The following INVS variants were observed in gnomAD, a reference collection of about 807,000 sequenced individuals.
The protein encoded by INVS is inversion of embryo turning homolog.
A neutral mutation model predicts 108.8 loss-of-function variants in INVS; 86 were observed. The observed-to-expected ratio is 0.79, with a 90% CI of 0.66 to 0.95. The LOEUF (loss-of-function observed/expected upper bound fraction) is 0.95. Among genes scored for constraint, INVS ranks in the 40% least tolerant of loss-of-function variants. INVS has a pLI of 0.00. For synonymous variants in INVS, 455 were observed against 473.5 expected (o/e 0.96, Z 0.51); for missense variants, 1,169 against 1,297.4 (o/e 0.90, Z 1.52).
chr9:100,198,187 GTCCTTCAA>G lies in INVS; in HGVS notation c.274-27872_274-27865del, dbSNP rs1169890109. On this transcript the variant is annotated intron_variant, in intron 3 of 16. Transcript: ENST00000262457. ...ATTGCCTTTGTCAAACCTATTTAGT[GTCCTTCAA>G]TCTAGAAAAGTTTCTTAATCTTTCC... is the stretch of plus-strand genomic sequence containing the variant. Among the ~76,000 whole-genome samples, 9 of 141,370 alleles carry G rather than the reference GTCCTTCAA, an allele frequency of 6.4e-5. No individual in the cohort carries two copies. The South Asian group carries it at 1.2e-3, about 19-fold the overall frequency. 92.7% of individuals were successfully genotyped at this position (141,370 alleles called of 152,430 possible).
intron 3 of INVS, among the ~76,000 whole-genome samples, chr9:100,223,185 TC>T (rs1831204275): frequency 1.3e-5 from 2 of 151,964 alleles, no homozygotes; most frequent in Non-Finnish European, 2.9e-5. Context: ...AGCCTCCGCT[TC>T]CTGGGTTCAA....
chr9:100,133,409 C>G (rs1828114159), intron 3 of INVS, among the ~76,000 whole-genome samples: 2 of 151,646 alleles, frequency 1.3e-5, no homozygotes, highest in African/African-American at 4.9e-5. Context: ...TATTTTGCAT[C>G]TTTAAATTAA....
At chr9:100,255,648 CT>C (rs1377395096) in intron 10 of INVS, among the ~76,000 whole-genome samples, 1 of 152,118 alleles carries the variant, frequency 6.6e-6, no homozygotes. Context: ...TGTCAAAGGC[CT>C]TTTCTGCATC....
Position 100,100,701 on chromosome 9 carries a change from C to T in INVS, c.-25+1285C>T, listed in dbSNP as rs192631423. ...ATATAATATATATATTATATATGTA[C>T]ATATAATATATATATTATATGTACA... On this transcript the variant is annotated intron_variant, in intron 1 of 16. Coordinates refer to ENST00000262457, the MANE Select transcript of INVS (RefSeq NM_014425.5). Among the ~76,000 whole-genome samples, 64 of 9,870 alleles carry T rather than the reference C, an allele frequency of 6.5e-3. 3 individuals carry two copies. Among genetic ancestry groups the T allele is most frequent in the African/African-American group, 0.025 (25 of 988 alleles). 6.5% of individuals were successfully genotyped at this position (9,870 alleles called of 152,430 possible).
intron 13 of INVS, among the ~76,000 whole-genome samples, chr9:100,291,760 C>T (rs1285691027): frequency 6.6e-6 from 1 of 152,216 alleles, no homozygotes. Flanking sequence ...TTACCCCATC[C>T]AGAACCTGGG....
intron 2 of INVS, among the ~76,000 whole-genome samples, chr9:100,125,723 T>C (rs989365160): frequency 6.6e-6 from 1 of 151,094 alleles, no homozygotes; most frequent in Non-Finnish European, 1.5e-5. Flanking sequence ...TTTACTCTCG[T>C]TGTCCAGGCT....
Position 100,126,312 on chromosome 9 carries a change from G to A in INVS, c.107-71G>A, listed in dbSNP as rs1222424595. On this transcript the variant is annotated intron_variant, in intron 2 of 16. Transcript: ENST00000262457. ...TTAGCACAATGTTTGATAATAAACAGCGAATATAGTTCCTACTTATATTAG... is the reference window on the plus strand; with the variant it reads ...TTAGCACAATGTTTGATAATAAACAACGAATATAGTTCCTACTTATATTAG... 4 of 1,210,440 alleles carry A rather than the reference G, an allele frequency of 3.3e-6. No homozygotes were observed. The African/African-American group carries it at 6.0e-5, about 18-fold the overall frequency. 75.0% of individuals were successfully genotyped at this position (1,210,440 alleles called of 1,614,324 possible). A position where few individuals can be genotyped will look rare whatever the true frequency, so the allele number is the denominator to read the frequency against.
intron 3 of INVS, among the ~76,000 whole-genome samples, chr9:100,211,874 A>C (rs2118303884): frequency 1.3e-5 from 2 of 152,324 alleles, no homozygotes; most frequent in Admixed American, 1.3e-4. Flanking sequence ...ATTGTCAAAT[A>C]ACTAAAAAAT....
At chr9:100,149,951 C>G (rs938966697) in intron 3 of INVS, among the ~76,000 whole-genome samples, 1 of 152,142 alleles carries the variant, frequency 6.6e-6, no homozygotes, top group African/African-American at 2.4e-5. Flanking sequence ...TTTGCTGATT[C>G]TCATCTTAGT....
chr9:100,258,805 G>A (rs1404819330), intron 10 of INVS, among the ~76,000 whole-genome samples: 1 of 152,228 alleles, frequency 6.6e-6, no homozygotes, highest in Non-Finnish European at 1.5e-5. Flanking sequence ...GCAACTGGCT[G>A]TATGAGGTGT....
intron 2 of INVS, among the ~76,000 whole-genome samples, chr9:100,109,511 A>G (rs1391495000): frequency 6.6e-6 from 1 of 152,182 alleles, no homozygotes; most frequent in Non-Finnish European, 1.5e-5. Context: ...CATGGTGTGT[A>G]ATGATCAATG....
At chr9:100,112,027 A>C (rs544785914) in intron 2 of INVS, among the ~76,000 whole-genome samples, 2 of 152,194 alleles carry the variant, frequency 1.3e-5, no homozygotes, top group South Asian at 4.2e-4. Flanking sequence ...TCACTCTGTC[A>C]CCCAGGCTGG....
intron 3 of INVS, among the ~76,000 whole-genome samples, chr9:100,173,134 G>C (rs1335933299): frequency 6.6e-6 from 1 of 152,146 alleles, no homozygotes; most frequent in Admixed American, 6.6e-5. Context: ...AGTAGCAATG[G>C]CTTTTGAAAA....
chr9:100,212,662 A>T (rs1415568714), intron 3 of INVS, among the ~76,000 whole-genome samples: 5 of 151,910 alleles, frequency 3.3e-5, no homozygotes, highest in Non-Finnish European at 7.4e-5. Context: ...GCCATTCAGG[A>T]ATCTTCTTAT....
intron 6 of INVS, 84 bp downstream of exon 6, chr9:100,240,324 C>T (rs1831826652): frequency 1.0e-6 from 1 of 965,836 alleles, no homozygotes; most frequent in African/African-American, 1.6e-5. Context: ...TGTTTACTCC[C>T]AACTCCTAGT....
chr9:100,297,022 T>A lies in INVS; in HGVS notation c.2892T>A (p.Val964=). The A allele has an allele frequency of 1.2e-6, 2 of 1,613,368 alleles. No homozygotes were observed. The highest frequency in any genetic ancestry group is 1.7e-6 in the Non-Finnish European group (2 of 1,179,806). Residue 964 remains valine (V), a synonymous_variant, in exon 15 of 17, where the codon GTT becomes GTA. Coordinates refer to ENST00000262457, the MANE Select transcript of INVS (RefSeq NM_014425.5). ...AGTCTACAGCATTGCTCCTCCAGGT[T>A]TGGAGGAAGGAACTGGAACTAAAAT... ...RQESTALLLQ[V]WRKELELKFP... is the part of the protein sequence containing the mutation.
intron 3 of INVS, among the ~76,000 whole-genome samples, chr9:100,179,932 T>A (rs1053704567): frequency 2.0e-5 from 3 of 151,108 alleles, no homozygotes; most frequent in Non-Finnish European, 4.5e-5. Context: ...ATGGAAATCG[T>A]AACAGTCTCT....
chr9:100,225,183 G>C (rs1050176016), intron 3 of INVS, among the ~76,000 whole-genome samples: 28 of 151,236 alleles, frequency 1.9e-4, no homozygotes, highest in African/African-American at 6.3e-4. Flanking sequence ...TCAGCCTCCC[G>C]AGTAAATGGG....
chr9:100,136,228 GTGAT>G (rs546684978), intron 3 of INVS, among the ~76,000 whole-genome samples: 117 of 152,290 alleles, frequency 7.7e-4, no homozygotes, highest in African/African-American at 2.5e-3. Context: ...GACAGTACGA[GTGAT>G]TGATTAATGG....
Sources: gnomAD v4.1 joint callset for allele counts (sites outside exome capture counted in the v4.1 genomes callset) on GRCh38, gnomAD v4.1.1 for gene constraint, MANE v1.5 for transcripts, NCBI Gene and HGNC (gene_info 2026-07-23, HGNC 2026-07-21) for gene names.